The following TESK1 variants were observed in gnomAD, a reference collection of about 807,000 sequenced individuals.
TESK1 encodes the protein dual specificity testis-specific protein kinase 1.
TESK1 carries 18 observed loss-of-function variants against 59.9 expected under a neutral mutation model. The ratio of observed to expected loss-of-function variants is 0.30; its 90% CI spans 0.21 to 0.45. The LOEUF is 0.45. TESK1 is among the 20% of genes least tolerant of loss of function. The pLI, the probability that TESK1 is intolerant of heterozygous loss-of-function variation, is 1.00. For synonymous variants in TESK1, 341 were observed against 357.4 expected, an observed-to-expected ratio of 0.95 and a Z score of 0.52; for missense variants, 748 against 840.9, an observed-to-expected ratio of 0.89 and a Z score of 1.37.
At position 35,608,380 on chromosome 9, in the gene TESK1, G is replaced by C. The variant is rs748670633; in HGVS notation, c.886-15G>C. 3 of 1,613,766 alleles carry C rather than the reference G, an allele frequency of 1.9e-6. No individual in the cohort carries two copies. In the African/African-American group the frequency reaches 4.0e-5, roughly 22 times the overall value. ...CGGAGCACTGAGTGAAGCCGTTCCT[G>C]TCTCTACCCATCAGCTGGAACCCAG... On this transcript the variant is annotated splice_polypyrimidine_tract_variant and intron_variant, in intron 8 of 9. Transcript: ENST00000336395.
rs1255462893 is a variant in TESK1, at chr9:35,605,686, C to T, written c.67C>T (p.Pro23Ser). ...PGPGEVPGEGPPGPGGTGGGP... is the reference protein window; with the variant it reads ...PGPGEVPGEGSPGPGGTGGGP... ...GCCTGGAGAGGTGCCGGGGGAGGGG[C>T]CCCCGGGGCCGGGGGGCACGGGCGG... The change falls in exon 1 of 10, where the codon CCC becomes TCC. Residue 23 changes from proline to serine, a missense_variant. This residue lies in a region of TESK1 where 133 missense variants were observed against 117.4 expected (regional missense o/e 1.13). Transcript: ENST00000336395. 4.9e-6 allele frequency: 7 copies of T among 1,440,452 alleles called. No individual in the cohort carries two copies. The highest frequency in any genetic ancestry group is 6.4e-6 in the Non-Finnish European group (7 of 1,095,956). 89.2% of individuals were successfully genotyped at this position (1,440,452 alleles called of 1,614,324 possible).
Position 35,609,919 on chromosome 9 carries a change from C to T in TESK1, c.*177C>T, listed in dbSNP as rs979041322. ...CACTTCCAGTCGACCCCCCGGCTCG[C>T]GTTCCCGTGGGGATCACTGAACCAG... On this transcript the variant is annotated 3_prime_UTR_variant, in exon 10 of 10. Coordinates refer to ENST00000336395, the MANE Select transcript of TESK1 (RefSeq NM_006285.3). The surrounding 1 kb of genome is among the most constrained non-coding windows in gnomAD (Gnocchi z 6.7). 16 of 683,776 alleles carry T rather than the reference C, an allele frequency of 2.3e-5. No homozygotes were observed. The highest frequency in any genetic ancestry group is 4.1e-4 in the Middle Eastern group (1 of 2,420). 42.4% of individuals were successfully genotyped at this position (683,776 alleles called of 1,614,324 possible).
Position 35,606,823 on chromosome 9 carries a change from C to A in TESK1, c.391-14C>A. On this transcript the variant is annotated splice_polypyrimidine_tract_variant and intron_variant, in intron 3 of 9. Coordinates refer to ENST00000336395, the MANE Select transcript of TESK1 (RefSeq NM_006285.3). ...AAGTCTGACATCTATTCCCATTCTC[C>A]TCCTATGCACCAGTATATGAATGGG... 1 of 1,586,904 alleles carries A rather than the reference C, an allele frequency of 6.3e-7. No individual in the cohort carries two copies.
chr9:35,606,334 G>A (rs1822848601), intron 3 of TESK1, 49 bp downstream of exon 3: 1 of 1,608,384 alleles, frequency 6.2e-7, no homozygotes, highest in Non-Finnish European at 8.5e-7. Flanking sequence ...TCACCCCCAA[G>A]GATAAAGGGA....
rs1465044188 is a variant in TESK1, at chr9:35,605,703, C to T, written c.84C>T (p.Gly28=). 9 of 1,506,690 alleles carry T rather than the reference C, an allele frequency of 6.0e-6. No homozygotes were observed. The highest frequency in any genetic ancestry group is 7.1e-6 in the Non-Finnish European group (8 of 1,127,776). 93.3% of individuals were successfully genotyped at this position (1,506,690 alleles called of 1,614,324 possible). Residue 28 remains glycine, a synonymous_variant, in exon 1 of 10, where the codon GGC becomes GGT. Coordinates refer to ENST00000336395, the MANE Select transcript of TESK1 (RefSeq NM_006285.3). ...VPGEGPPGPG[G]TGGGPGRGRP... is the part of the protein sequence containing the mutation. ...GGGAGGGGCCCCCGGGGCCGGGGGG[C>T]ACGGGCGGAGGCCCGGGCCGGGGCC...
rs772383795 is a variant in TESK1, at chr9:35,605,814, C to T, written c.195C>T (p.Ala65=). 5 of 1,611,906 alleles carry T rather than the reference C, an allele frequency of 3.1e-6. No individual in the cohort carries two copies. Among genetic ancestry groups the T allele is most frequent in the Non-Finnish European group, 3.4e-6 (4 of 1,179,500 alleles). Residue 65 remains alanine, a synonymous_variant, in exon 1 of 10, where the codon GCC becomes GCT. Transcript: ENST00000336395. Reference sequence around the variant, plus strand: ...TTCACTGCGCGGAGAAGATCGGGGCCGGCTTCTTCTCTGAGGTCTACAAGG... The same window carrying T: ...TTCACTGCGCGGAGAAGATCGGGGCTGGCTTCTTCTCTGAGGTCTACAAGG... ...DDFHCAEKIG[A]GFFSEVYKVR... is the part of the protein sequence containing the mutation.
At position 35,608,233 on chromosome 9, in the gene TESK1, C is replaced by T. The variant is rs769024168; in HGVS notation, c.869C>T (p.Ala290Val). Residue 290 changes from alanine (A) to valine (V), a missense_variant, in exon 8 of 10, where the codon GCC becomes GTC. Physicochemically the swap from Ala to Val is moderately conservative, Grantham distance 64. Around this residue, in one of 3 missense-constraint regions of TESK1, gnomAD observed 447 missense variants for 466.1 expected, o/e 0.96. Coordinates refer to ENST00000336395, the MANE Select transcript of TESK1 (RefSeq NM_006285.3). ...TGCCCACTGCCTTTCTTGCTCCTGG[C>T]CATCCACTGCTGCAACGTAAGAGCC... is the stretch of plus-strand genomic sequence containing the variant. ...DDCPLPFLLL[A>V]IHCCNLEPST... is the part of the protein sequence containing the mutation. The T allele has an allele frequency of 1.7e-5, 27 of 1,614,064 alleles. No homozygotes were observed. In the East Asian group the frequency reaches 3.8e-4, roughly 23 times the overall value.
chr9:35,609,011 C>T lies in TESK1; in HGVS notation c.1150C>T (p.Arg384Trp), dbSNP rs768960579. 11 of 1,614,082 alleles carry T rather than the reference C, an allele frequency of 6.8e-6. No homozygotes were observed. The highest frequency in any genetic ancestry group is 4.5e-5 in the East Asian group (2 of 44,888). The change falls in exon 10 of 10, where the codon CGG (arginine) becomes TGG (tryptophan). Residue 384 changes from arginine (R) to tryptophan (W), a missense_variant. Transcript: ENST00000336395. The surrounding 1 kb of genome is among the most constrained non-coding windows in gnomAD (Gnocchi z 6.7). ...NLTRVNPFSLREDLRGGKIKL... is the reference protein window; with the variant it reads ...NLTRVNPFSLWEDLRGGKIKL... ...GACTCGAGTCAACCCCTTCTCACTA[C>T]GGGAAGACCTCAGGGGTGGCAAGAT...
In TESK1 at chr9:35,609,811, T is replaced by G. The variant is rs1219215686; in HGVS notation, c.*69T>G. The stretch of plus-strand genomic sequence containing the variant: ...ACACCCTGTAAGAACAGAGCACACT[T>G]GCTGGACAGTGCCAGTTCCAGATGG... On this transcript the variant is annotated 3_prime_UTR_variant, in exon 10 of 10. Transcript: ENST00000336395. This position sits in a 1 kb window ranked among gnomAD's most constrained non-coding sequence, Gnocchi z 6.7. 3.5e-6 allele frequency: 5 copies of G among 1,440,836 alleles called. No individual in the cohort carries two copies. In the Admixed American group the frequency reaches 1.3e-4, roughly 37 times the overall value. 89.3% of individuals were successfully genotyped at this position (1,440,836 alleles called of 1,614,324 possible).
Position 35,606,968 on chromosome 9 carries a change from C to A in TESK1, c.522C>A (p.Arg174=), listed in dbSNP as rs755675303. 1.9e-6 allele frequency: 3 copies of A among 1,599,712 alleles called. No homozygotes were observed. Among genetic ancestry groups the A allele is most frequent in the East Asian group, 4.5e-5 (2 of 44,682 alleles). ...RYLHSKGVFH[R]DLTSKNCLVR... ...TGCACTCCAAAGGTGTATTTCACCG[C>A]GACCTCACATCCAAGGTAGGCTAGC... Residue 174 remains arginine, a synonymous_variant, in exon 4 of 10, where the codon CGC becomes CGA. Coordinates refer to ENST00000336395, the MANE Select transcript of TESK1 (RefSeq NM_006285.3).
In TESK1 at chr9:35,609,511, A is replaced by C; in HGVS notation, c.1650A>C (p.Thr550=). Residue 550 remains threonine, a synonymous_variant, in exon 10 of 10, where the codon ACA becomes ACC. Transcript: ENST00000336395. This position sits in a 1 kb window ranked among gnomAD's most constrained non-coding sequence, Gnocchi z 6.7. ...SLPRAAALER[T]EPSPPPSAPR... ...CCCGGGCGGCAGCCCTGGAGCGGAC[A>C]GAACCCTCGCCACCCCCTTCAGCTC... 1 of 1,609,066 alleles carries C rather than the reference A, an allele frequency of 6.2e-7. No individual in the cohort carries two copies. Among genetic ancestry groups the C allele is most frequent in the Non-Finnish European group, 8.5e-7 (1 of 1,177,248 alleles).
rs368964288 is a variant in TESK1, at chr9:35,606,145, G to A, written c.341+40G>A. On this transcript the variant is annotated intron_variant, in intron 2 of 9. Transcript: ENST00000336395. ...TCTCTGGGCAGCTTGCTGGGCGGGAGAGAAAGGGAAAGATCCCGCGGGAAA... is the reference window on the plus strand; with the variant it reads ...TCTCTGGGCAGCTTGCTGGGCGGGAAAGAAAGGGAAAGATCCCGCGGGAAA... The A allele has an allele frequency of 1.9e-4, 304 of 1,614,140 alleles. 4 individuals are homozygous for A. The African/African-American group carries it at 3.6e-3, about 19-fold the overall frequency.
Position 35,605,827 on chromosome 9 carries a change from G to A in TESK1, c.208G>A (p.Glu70Lys). Residue 70 changes from glutamate to lysine, a missense_variant, in exon 1 of 10, where the codon GAG becomes AAG. By Grantham distance (56) the Glu-to-Lys change is moderately conservative (BLOSUM62 1). This residue lies in a region of TESK1 where 133 missense variants were observed against 117.4 expected (regional missense o/e 1.13). Transcript: ENST00000336395. ...AEKIGAGFFS[E>K]VYKVRHRQSG... ...GAAGATCGGGGCCGGCTTCTTCTCT[G>A]AGGTCTACAAGGTAGGACCGGCCGA... The A allele has an allele frequency of 1.2e-6, 2 of 1,611,658 alleles. No individual in the cohort carries two copies. The highest frequency in any genetic ancestry group is 1.7e-6 in the Non-Finnish European group (2 of 1,179,392).
chr9:35,606,092 C>G lies in TESK1; in HGVS notation c.328C>G (p.Pro110Ala). ...GCAGCTGATGAACCGGCTCAGGCACCCCAACATCCTAAGGTGAGCGGCCCC... is the reference window on the plus strand; with the variant it reads ...GCAGCTGATGAACCGGCTCAGGCACGCCAACATCCTAAGGTGAGCGGCCCC... ...EVQLMNRLRH[P>A]NILRFMGVCV... The change falls in exon 2 of 10, where the codon CCC becomes GCC. Residue 110 changes from proline (P) to alanine (A), a missense_variant. Transcript: ENST00000336395. The G allele has an allele frequency of 6.2e-7, 1 of 1,614,148 alleles. No homozygotes were observed. The highest frequency in any genetic ancestry group is 8.5e-7 in the Non-Finnish European group (1 of 1,180,020).
chr9:35,606,347 C>T lies in TESK1; in HGVS notation c.390+62C>T, dbSNP rs780550918. 22 of 1,587,816 alleles carry T rather than the reference C, an allele frequency of 1.4e-5. No homozygotes were observed. In the African/African-American group the frequency reaches 1.5e-4, roughly 11 times the overall value. ...CTTCACCCCCAAGGATAAAGGGAGT[C>T]AACAGGCCTGGTGGATCTACGGAGG... is the stretch of plus-strand genomic sequence containing the variant. On this transcript the variant is annotated intron_variant, in intron 3 of 9. Transcript: ENST00000336395.
In TESK1 at chr9:35,605,850, C is replaced by T. The variant is rs759082698; in HGVS notation, c.219+12C>T. On this transcript the variant is annotated intron_variant, in intron 1 of 9. Coordinates refer to ENST00000336395, the MANE Select transcript of TESK1 (RefSeq NM_006285.3). ...CTGAGGTCTACAAGGTAGGACCGGC[C>T]GAGAGGGCAGAGGGGCGGGACCGAG... 7 of 1,609,632 alleles carry T rather than the reference C, an allele frequency of 4.3e-6. No individual in the cohort carries two copies. Among genetic ancestry groups the T allele is most frequent in the Non-Finnish European group, 4.2e-6 (5 of 1,178,356 alleles).
rs201425774 is a variant in TESK1, at chr9:35,606,161, C to T, written c.341+56C>T. Reference sequence around the variant, plus strand: ...TGGGCGGGAGAGAAAGGGAAAGATCCCGCGGGAAAAGTGGAACTGAGGAGG... The same window carrying T: ...TGGGCGGGAGAGAAAGGGAAAGATCTCGCGGGAAAAGTGGAACTGAGGAGG... On this transcript the variant is annotated intron_variant, in intron 2 of 9. Coordinates refer to ENST00000336395, the MANE Select transcript of TESK1 (RefSeq NM_006285.3). 3.2e-4 allele frequency: 515 copies of T among 1,614,076 alleles called. 3 individuals carry two copies. The highest frequency in any genetic ancestry group is 2.1e-3 in the South Asian group (194 of 91,076).
chr9:35,606,854 A>C lies in TESK1; in HGVS notation c.408A>C (p.Thr136=). 1 of 1,610,140 alleles carries C rather than the reference A, an allele frequency of 6.2e-7. No individual in the cohort carries two copies. The highest frequency in any genetic ancestry group is 1.1e-5 in the South Asian group (1 of 90,790). The change falls in exon 4 of 10, where the codon ACA becomes ACC. Residue 136 remains threonine (T), a synonymous_variant. Transcript: ENST00000336395. ...TGCACCAGTATATGAATGGGGGGACATTGGAACAGCTGCTCAGCTCCCCTG... is the reference window on the plus strand; with the variant it reads ...TGCACCAGTATATGAATGGGGGGACCTTGGAACAGCTGCTCAGCTCCCCTG... The part of the protein sequence containing the change: ...HALTEYMNGG[T]LEQLLSSPEP...
Position 35,606,996 on chromosome 9 carries a change from G to A in TESK1, c.537+13G>A, listed in dbSNP as rs931459579. Reference sequence around the variant, plus strand: ...CCTCACATCCAAGGTAGGCTAGCAGGGTGGGTGGAGACATGAAAGAGGGTT... The same window carrying A: ...CCTCACATCCAAGGTAGGCTAGCAGAGTGGGTGGAGACATGAAAGAGGGTT... On this transcript the variant is annotated intron_variant, in intron 4 of 9. Transcript: ENST00000336395. 7 of 1,573,150 alleles carry A rather than the reference G, an allele frequency of 4.4e-6. No homozygotes were observed. The highest frequency in any genetic ancestry group is 4.1e-5 in the African/African-American group (3 of 73,766).
Sources: allele counts gnomAD v4.1 joint callset, GRCh38; gene constraint gnomAD v4.1.1; regional missense constraint gnomAD v4.1.1; non-coding constraint Gnocchi (gnomAD v3.1); transcripts MANE v1.5; gene names NCBI Gene and HGNC (gene_info 2026-07-23, HGNC 2026-07-21).